The following RAB40C variants were observed in gnomAD, a reference collection of about 807,000 sequenced individuals.
RAB40C encodes ras-related protein Rab-40C.
In RAB40C, 8 loss-of-function variants were observed where a neutral mutation model predicts 28.1. The observed-to-expected ratio is 0.28, with a 90% CI of 0.17 to 0.51. The LOEUF (loss-of-function observed/expected upper bound fraction) is 0.51, where lower values mean the gene tolerates loss of function less well. Among genes scored for constraint, RAB40C ranks in the 20% least tolerant of loss-of-function variants. The probability of loss-of-function intolerance (pLI) is 0.97; values close to 1 mark genes in which losing one functional copy is unlikely to be tolerated. For synonymous variants in RAB40C, 201 were observed against 171.7 expected (o/e 1.17, Z -1.34); for missense variants, 288 against 405.9 (o/e 0.71, Z 2.50).
At chr16:626,852 C>T (rs1329919545) in intron 5 of RAB40C, among the ~76,000 whole-genome samples, 5 of 152,218 alleles carry the variant, frequency 3.3e-5, no homozygotes, top group Admixed American at 6.5e-5. Flanking sequence ...GCAGGAGAAT[C>T]GCTTGAACCC....
At chr16:620,403 A>G (rs2036686394) in intron 3 of RAB40C, among the ~76,000 whole-genome samples, 1 of 152,098 alleles carries the variant, frequency 6.6e-6, no homozygotes, top group Non-Finnish European at 1.5e-5. Flanking sequence ...AAAAAAAAGG[A>G]GGAGCTGTGT....
chr16:593,997 TCCAGGGTGTGGG>T (rs1237716640), intron 1 of RAB40C, among the ~76,000 whole-genome samples: 1 of 152,114 alleles, frequency 6.6e-6, no homozygotes, highest in Non-Finnish European at 1.5e-5. Flanking sequence ...GCAGTCAGGC[TCCAGGGTGTGGG>T]CCAGGGTGGT....
At chr16:623,347 T>C (rs1167608374) in intron 3 of RAB40C, among the ~76,000 whole-genome samples, 1 of 152,180 alleles carries the variant, frequency 6.6e-6, no homozygotes, top group African/African-American at 2.4e-5. Flanking sequence ...TTCATACTTT[T>C]ATTTTTTAAA....
chr16:629,216 C>G lies in RAB40C; in HGVS notation c.*1594C>G. 1 of 257,136 alleles carries G rather than the reference C, an allele frequency of 3.9e-6. No individual in the cohort carries two copies. Among genetic ancestry groups the G allele is most frequent in the Non-Finnish European group, 8.0e-6 (1 of 124,610 alleles). The allele number at this position is 257,136 out of a possible 1,614,324, so 15.9% of individuals were successfully genotyped here. On this transcript the variant is annotated 3_prime_UTR_variant, in exon 6 of 6. Coordinates refer to ENST00000248139, the MANE Select transcript of RAB40C (RefSeq NM_021168.5). ...CGCTGCTGTTAGACACTCCGCCATT[C>G]CTGGTTCTCTCCGAACCGTTCTTTG...
At chr16:624,959 C>T (rs1297027884) in intron 3 of RAB40C, 85 of 1,289,018 alleles carry the variant, frequency 6.6e-5, no homozygotes, top group Non-Finnish European at 8.4e-5. Flanking sequence ...GGGGGAGCTT[C>T]ACAGAAACTG....
intron 3 of RAB40C, 181 bp from the exon 4 acceptor site, chr16:625,250 CA>C: frequency 6.9e-7 from 1 of 1,450,426 alleles, no homozygotes; most frequent in Non-Finnish European, 9.1e-7. Flanking sequence ...CAGGTGAGGG[CA>C]GGGGTGAGGG....
At chr16:602,245 T>C (rs994037545) in intron 1 of RAB40C, among the ~76,000 whole-genome samples, 1 of 143,790 alleles carries the variant, frequency 7.0e-6, no homozygotes, top group Non-Finnish European at 1.5e-5. Context: ...AGTGGTCATC[T>C]CTGTTTTTTT....
chr16:614,118 C>T (rs2036536845), intron 1 of RAB40C, among the ~76,000 whole-genome samples: 1 of 151,022 alleles, frequency 6.6e-6, no homozygotes. Context: ...TGGTGAACTG[C>T]CAAACTCTAC....
At position 610,623 on chromosome 16, in the gene RAB40C, G is replaced by A. The variant is rs776239646; in HGVS notation, c.143-6585G>A. On this transcript the variant is annotated intron_variant, in intron 1 of 5. Coordinates refer to ENST00000248139, the MANE Select transcript of RAB40C (RefSeq NM_021168.5). The surrounding 1 kb of genome is among the most constrained non-coding windows in gnomAD (Gnocchi z 4.6). ...TGCCTAGGGACCCCCTTATGGGGTAGTGTTGAGCTCTGCAGCCGGAGCCCA... is the reference window on the plus strand; with the variant it reads ...TGCCTAGGGACCCCCTTATGGGGTAATGTTGAGCTCTGCAGCCGGAGCCCA... Among the ~76,000 whole-genome samples the A allele has an allele frequency of 1.3e-5, 2 of 152,212 alleles. No individual in the cohort carries two copies. The highest frequency in any genetic ancestry group is 2.4e-5 in the African/African-American group (1 of 41,456).
intron 1 of RAB40C, 122 bp downstream of exon 1, chr16:590,555 C>T (rs981401498): frequency 1.5e-5 from 19 of 1,269,858 alleles, no homozygotes; most frequent in Non-Finnish European, 1.8e-5. Flanking sequence ...ACGCCTTTGC[C>T]TGGCTTCCAG....
chr16:606,197 T>C (rs2036358336), intron 1 of RAB40C, among the ~76,000 whole-genome samples: 1 of 66,104 alleles, frequency 1.5e-5, no homozygotes, highest in Non-Finnish European at 3.0e-5. Context: ...CAGTCCAGTG[T>C]GGGTTTCCCT....
chr16:601,612 A>T (rs1276838992), intron 1 of RAB40C, among the ~76,000 whole-genome samples: 1 of 152,056 alleles, frequency 6.6e-6, no homozygotes, highest in Non-Finnish European at 1.5e-5. Context: ...GGAGATTCTC[A>T]TGAAAAATAG....
intron 1 of RAB40C, 78 bp downstream of exon 1, chr16:590,511 C>T (rs2151055062): frequency 7.2e-7 from 1 of 1,387,900 alleles, no homozygotes; most frequent in Non-Finnish European, 9.3e-7. Context: ...GCCCTCGGCC[C>T]GGCCCTTCCA....
In RAB40C at chr16:590,267, G is replaced by C. The variant is rs2035961568; in HGVS notation, c.-25G>C. 1 of 1,453,830 alleles carries C rather than the reference G, an allele frequency of 6.9e-7. No individual in the cohort carries two copies. 90.1% of individuals were successfully genotyped at this position (1,453,830 alleles called of 1,614,324 possible). Reference sequence around the variant, plus strand: ...CCCGGCGGTGCTTCGGCAGGCGGCCGGCGCGGGGCGCAGGCGGCGCGGCCA... The same window carrying C: ...CCCGGCGGTGCTTCGGCAGGCGGCCCGCGCGGGGCGCAGGCGGCGCGGCCA... On this transcript the variant is annotated 5_prime_UTR_variant, in exon 1 of 6. Transcript: ENST00000248139.
chr16:608,342 G>C (rs942810746), intron 1 of RAB40C, among the ~76,000 whole-genome samples: 2 of 152,194 alleles, frequency 1.3e-5, no homozygotes, highest in Middle Eastern at 3.2e-3. Context: ...TCAACCTGTG[G>C]GGATTAGTCA....
chr16:613,182 C>T (rs1235662002), intron 1 of RAB40C, among the ~76,000 whole-genome samples: 1 of 147,502 alleles, frequency 6.8e-6, no homozygotes, highest in Non-Finnish European at 1.5e-5. Flanking sequence ...AGAGCAGGGA[C>T]AGCCGCCCTC....
rs2036877005 is a variant in RAB40C at position 627,944 on chromosome 16, T to C, written c.*322T>C. ...ATTTATATAGAGAACACTTCACTTTTTTGTACATTTTTAAGGGGCCTTCAG... is the reference window on the plus strand; with the variant it reads ...ATTTATATAGAGAACACTTCACTTTCTTGTACATTTTTAAGGGGCCTTCAG... On this transcript the variant is annotated 3_prime_UTR_variant, in exon 6 of 6. Coordinates refer to ENST00000248139, the MANE Select transcript of RAB40C (RefSeq NM_021168.5). 3.3e-6 allele frequency: 1 copy of C among 307,286 alleles called. No individual in the cohort carries two copies. Among genetic ancestry groups the C allele is most frequent in the Non-Finnish European group, 6.0e-6 (1 of 167,708 alleles). 19.0% of individuals were successfully genotyped at this position (307,286 alleles called of 1,614,324 possible).
intron 1 of RAB40C, among the ~76,000 whole-genome samples, chr16:602,041 G>A (rs1019348615): frequency 2.0e-5 from 3 of 152,038 alleles, no homozygotes; most frequent in Admixed American, 6.6e-5. Context: ...CAAGAGAATC[G>A]CTTCAACCCA....
chr16:593,043 G>A (rs1389319666), intron 1 of RAB40C, among the ~76,000 whole-genome samples: 1 of 152,244 alleles, frequency 6.6e-6, no homozygotes, highest in African/African-American at 2.4e-5. Flanking sequence ...CTCAGGGCCC[G>A]GGGCACACTT....
Sources: gnomAD v4.1 joint callset for allele counts (sites outside exome capture counted in the v4.1 genomes callset) on GRCh38, gnomAD v4.1.1 for gene constraint, Gnocchi (gnomAD v3.1) non-coding constraint, MANE v1.5 for transcripts, NCBI Gene and HGNC (gene_info 2026-07-23, HGNC 2026-07-21) for gene names.